Variants in ITGA5 observed in about 807,000 individuals in gnomAD.
ITGA5 encodes the protein integrin subunit alpha 5.
Under a neutral mutation model 146.3 loss-of-function variants are expected in ITGA5, and 55 were observed. The ratio of observed to expected loss-of-function variants is 0.38; its 90% CI spans 0.30 to 0.47. The LOEUF (loss-of-function observed/expected upper bound fraction) is 0.47, where lower values mean the gene tolerates loss of function less well. Among genes scored for constraint, ITGA5 ranks in the 20% least tolerant of loss-of-function variants. The probability of loss-of-function intolerance (pLI) is 0.99; values close to 1 mark genes in which losing one functional copy is unlikely to be tolerated. For missense variants in ITGA5, 1,131 were observed against 1,329.0 expected (o/e 0.85, Z 2.32); for synonymous variants, 500 against 531.8 (o/e 0.94, Z 0.82).
rs560468079 is a variant in ITGA5, at chr12:54,397,924, G to T, written c.2944-437C>A. On this transcript the variant is annotated intron_variant, in intron 28 of 29. Transcript: ENST00000293379. ...TCCATTTTTTTTTTTTTTTGACAGA[G>T]TCTCACTCTGTCACTCAGGCTGGAG... Among the ~76,000 whole-genome samples the T allele has an allele frequency of 4.3e-3, 640 of 147,764 alleles. 6 individuals carry two copies. Among genetic ancestry groups the T allele is most frequent in the African/African-American group, 0.015 (608 of 40,062 alleles).
intron 9 of ITGA5, chr12:54,407,280 T>C: frequency 3.9e-6 from 1 of 258,216 alleles, no homozygotes; most frequent in Non-Finnish European, 7.6e-6. Flanking sequence ...ATGGCACTCT[T>C]ATCTGTATCT....
In ITGA5 at chr12:54,409,527, C is replaced by A. The variant is rs1418312231; in HGVS notation, c.420G>T (p.Gln140His). The change falls in exon 3 of 30, where the codon CAG becomes CAT. Residue 140 changes from glutamine to histidine, a missense_variant. Gln to His is a conservative substitution (Grantham distance 24, BLOSUM62 0). Coordinates refer to ENST00000293379, the MANE Select transcript of ITGA5 (RefSeq NM_002205.5). The surrounding 1 kb of genome is among the most constrained non-coding windows in gnomAD (Gnocchi z 4.7). ...GGGCTCGAACTGTTGCCCCGAACCACTGCAAGGACTTGTACTCCACAGGCT... is the reference window on the plus strand; with the variant it reads ...GGGCTCGAACTGTTGCCCCGAACCAATGCAAGGACTTGTACTCCACAGGCT... ...GEEPVEYKSL[Q>H]WFGATVRAHG... 6.2e-7 allele frequency: 1 copy of A among 1,614,148 alleles called. No individual in the cohort carries two copies. The highest frequency in any genetic ancestry group is 8.5e-7 in the Non-Finnish European group (1 of 1,180,022).
At chr12:54,398,487 T>C in intron 28 of ITGA5, 110 bp downstream of exon 28, 1 of 720,938 alleles carries the variant, frequency 1.4e-6, no homozygotes. Flanking sequence ...ACATAGTACA[T>C]TCTCAACAGT....
Position 54,403,358 on chromosome 12 carries a change from G to A in ITGA5, c.1777-34C>T. The A allele has an allele frequency of 1.3e-6, 2 of 1,499,004 alleles. No individual in the cohort carries two copies. Among genetic ancestry groups the A allele is most frequent in the Middle Eastern group, 1.8e-4 (1 of 5,522 alleles). 92.9% of individuals were successfully genotyped at this position (1,499,004 alleles called of 1,614,324 possible). On this transcript the variant is annotated intron_variant, in intron 17 of 29. Transcript: ENST00000293379. This position sits in a 1 kb window ranked among gnomAD's most constrained non-coding sequence, Gnocchi z 4.9. Reference sequence around the variant, plus strand: ...AGAGGAGAGAGTTCACGGAGTCAGGGGACTCTGGAGACTTAGTGGCCCTGC... The same window carrying A: ...AGAGGAGAGAGTTCACGGAGTCAGGAGACTCTGGAGACTTAGTGGCCCTGC...
chr12:54,408,641 G>A (rs746254541), intron 6 of ITGA5, 115 bp downstream of exon 6: 110 of 937,796 alleles, frequency 1.2e-4, no homozygotes, highest in Non-Finnish European at 1.5e-4. Flanking sequence ...CAGGAGAATC[G>A]CTTGAACCTG....
chr12:54,409,672 T>A lies in ITGA5; in HGVS notation c.350-75A>T. 1 of 936,530 alleles carries A rather than the reference T, an allele frequency of 1.1e-6. No homozygotes were observed. The highest frequency in any genetic ancestry group is 2.6e-5 in the East Asian group (1 of 38,738). The allele number at this position is 936,530 out of a possible 1,614,324, so 58.0% of individuals were successfully genotyped here. On this transcript the variant is annotated intron_variant, in intron 2 of 29. Coordinates refer to ENST00000293379, the MANE Select transcript of ITGA5 (RefSeq NM_002205.5). The surrounding 1 kb of genome is among the most constrained non-coding windows in gnomAD (Gnocchi z 4.7). ...TCTAGGGCAGCCCCTACCCTCAGCCTGGGGATACCCAACAAACGCTTCCAA... is the reference window on the plus strand; with the variant it reads ...TCTAGGGCAGCCCCTACCCTCAGCCAGGGGATACCCAACAAACGCTTCCAA...
At position 54,403,511 on chromosome 12, in the gene ITGA5, A is replaced by T; in HGVS notation, c.1776+114T>A. ...AAGGTCTCCCTTTCTCAGCCCCTAC[A>T]AGAGTCCCAAGCCCTTCACTGGAGT... On this transcript the variant is annotated intron_variant, in intron 17 of 29. Coordinates refer to ENST00000293379, the MANE Select transcript of ITGA5 (RefSeq NM_002205.5). This position sits in a 1 kb window ranked among gnomAD's most constrained non-coding sequence, Gnocchi z 4.9. 7.5e-7 allele frequency: 1 copy of T among 1,341,588 alleles called. No homozygotes were observed. The highest frequency in any genetic ancestry group is 1.0e-6 in the Non-Finnish European group (1 of 983,770). 83.1% of individuals were successfully genotyped at this position (1,341,588 alleles called of 1,614,324 possible). A position where few individuals can be genotyped will look rare whatever the true frequency, so the allele number is the denominator to read the frequency against.
At position 54,419,132 on chromosome 12, in the gene ITGA5, G is replaced by C. The variant is rs1258490777; in HGVS notation, c.67C>G (p.Pro23Ala). The change falls in exon 1 of 30, where the codon CCC (proline) becomes GCC (alanine). Residue 23 changes from proline (P) to alanine (A), a missense_variant. This residue lies in a region of ITGA5 where 175 missense variants were observed against 179.3 expected (regional missense o/e 0.98). Transcript: ENST00000293379. ...VQLRWGPRRR[P>A]PLLPLLLLLL... is the part of the protein sequence containing the mutation. Reference sequence around the variant, plus strand: ...AGCAACAGCAGCGGCAGCAGCGGGGGTCGGCGCCGGGGGCCCCAGCGCAGC... The same window carrying C: ...AGCAACAGCAGCGGCAGCAGCGGGGCTCGGCGCCGGGGGCCCCAGCGCAGC... The C allele has an allele frequency of 6.3e-7, 1 of 1,588,438 alleles. No individual in the cohort carries two copies. The highest frequency in any genetic ancestry group is 8.5e-7 in the Non-Finnish European group (1 of 1,170,694).
chr12:54,401,679 G>A lies in ITGA5; in HGVS notation c.2307-14C>T. The A allele has an allele frequency of 1.2e-6, 2 of 1,614,004 alleles. No homozygotes were observed. The highest frequency in any genetic ancestry group is 1.3e-5 in the African/African-American group (1 of 75,026). On this transcript the variant is annotated splice_polypyrimidine_tract_variant and intron_variant, in intron 22 of 29. Transcript: ENST00000293379. This position sits in a 1 kb window ranked among gnomAD's most constrained non-coding sequence, Gnocchi z 5.0. ...TTGAGATTCTTGCTGTGGGATGGAG[G>A]CAAGACTGAGGTGCTGGAGTGCAGC...
At chr12:54,410,725 ATTT>A (rs144213530) in intron 2 of ITGA5, among the ~76,000 whole-genome samples, 4 of 135,010 alleles carry the variant, frequency 3.0e-5, no homozygotes, top group Non-Finnish European at 4.8e-5. Flanking sequence ...TGCCTGGCTA[ATTT>A]TTTTTTTTTT....
intron 1 of ITGA5, 32 bp downstream of exon 1, chr12:54,418,949 C>G (rs1956043054): frequency 6.2e-7 from 1 of 1,608,446 alleles, no homozygotes; most frequent in Admixed American, 1.7e-5. Flanking sequence ...GGCTCCCCCA[C>G]CCCCATCCCG....
chr12:54,395,909 G>A lies in ITGA5; in HGVS notation c.*384C>T, dbSNP rs1167440051. ...GCAAGGCTGAGGACAGATCTTTGCA[G>A]GTTGGAGCTGGACAGGAAGTCCTTG... On this transcript the variant is annotated 3_prime_UTR_variant, in exon 30 of 30. Transcript: ENST00000293379. 1.1e-5 allele frequency: 2 copies of A among 184,626 alleles called. No individual in the cohort carries two copies. 11.4% of individuals were successfully genotyped at this position (184,626 alleles called of 1,614,324 possible).
intron 10 of ITGA5, 76 bp downstream of exon 10, chr12:54,405,794 G>A: frequency 6.2e-7 from 1 of 1,600,104 alleles, no homozygotes; most frequent in Non-Finnish European, 8.6e-7. Flanking sequence ...TGGGAAGTTG[G>A]GCTGACATTA....
At chr12:54,418,936 G>A (rs754422001) in intron 1 of ITGA5, 45 bp downstream of exon 1, 6 of 1,592,572 alleles carry the variant, frequency 3.8e-6, no homozygotes, top group South Asian at 1.1e-5. Context: ...CCAGTCTCCA[G>A]GCGGCTCCCC....
Position 54,409,062 on chromosome 12 carries a change from T to G in ITGA5, c.584-108A>C. On this transcript the variant is annotated intron_variant, in intron 4 of 29. Transcript: ENST00000293379. This position sits in a 1 kb window ranked among gnomAD's most constrained non-coding sequence, Gnocchi z 4.7. The stretch of plus-strand genomic sequence containing the variant: ...GGAGAGAGAACCAGAGAAAGGGCCT[T>G]CCTGGACCAGACAGTAAGCATAAAG... 7.1e-7 allele frequency: 1 copy of G among 1,414,212 alleles called. No individual in the cohort carries two copies. Among genetic ancestry groups the G allele is most frequent in the Non-Finnish European group, 9.9e-7 (1 of 1,012,100 alleles). The allele number at this position is 1,414,212 out of a possible 1,614,324, so 87.6% of individuals were successfully genotyped here.
rs1482525826 is a variant in ITGA5, at chr12:54,409,446, C to T, written c.462+39G>A. Reference sequence around the variant, plus strand: ...CCGGCCTTACCCAACCACTGCCCATCCCCTGGCCACCACACCACTGAGCTT... The same window carrying T: ...CCGGCCTTACCCAACCACTGCCCATTCCCTGGCCACCACACCACTGAGCTT... On this transcript the variant is annotated intron_variant, in intron 3 of 29. Transcript: ENST00000293379. The surrounding 1 kb of genome is among the most constrained non-coding windows in gnomAD (Gnocchi z 4.7). 6.2e-7 allele frequency: 1 copy of T among 1,609,962 alleles called. No homozygotes were observed. Among genetic ancestry groups the T allele is most frequent in the Non-Finnish European group, 8.5e-7 (1 of 1,176,830 alleles).
intron 1 of ITGA5, among the ~76,000 whole-genome samples, chr12:54,418,525 C>T (rs1956036327): frequency 6.6e-6 from 1 of 152,020 alleles, no homozygotes; most frequent in Admixed American, 6.6e-5. Flanking sequence ...TCGGCTTCTA[C>T]CCGTTCTCTC....
intron 9 of ITGA5, among the ~76,000 whole-genome samples, chr12:54,406,412 C>T (rs1263640059): frequency 6.6e-6 from 1 of 152,174 alleles, no homozygotes; most frequent in East Asian, 1.9e-4. Flanking sequence ...AGTGACTGGC[C>T]CCACCAGGCC....
chr12:54,411,746 C>T, intron 2 of ITGA5, 88 bp downstream of exon 2: 1 of 1,221,218 alleles, frequency 8.2e-7, no homozygotes, highest in Non-Finnish European at 1.1e-6. Flanking sequence ...TTCCAGCAGG[C>T]TCCACCCCTC....
Sources: gnomAD v4.1 joint callset for allele counts (sites outside exome capture counted in the v4.1 genomes callset) on GRCh38, gnomAD v4.1.1 for gene constraint, gnomAD v4.1.1 regional missense constraint, Gnocchi (gnomAD v3.1) non-coding constraint, MANE v1.5 for transcripts, NCBI Gene and HGNC (gene_info 2026-07-23, HGNC 2026-07-21) for gene names.